TMEM74: variants seen among roughly 807,000 people sequenced by gnomAD.
TMEM74 encodes the protein transmembrane protein 74.
A neutral mutation model predicts 18.1 loss-of-function variants in TMEM74; 13 were observed. The ratio of observed to expected loss-of-function variants is 0.72; its 90% confidence interval spans 0.47 to 1.14. The LOEUF is 1.14. TMEM74 is among the 50% of genes most tolerant of loss of function. TMEM74 has a pLI of 0.00. For missense variants in TMEM74, 372 were observed against 375.9 expected, an observed-to-expected ratio of 0.99 and a Z score of 0.09; for synonymous variants, 159 against 146.6, an observed-to-expected ratio of 1.08 and a Z score of -0.61.
At chr8:108,696,497 G>A (rs1813282768) in intron 1 of TMEM74, among the ~76,000 whole-genome samples, 1 of 152,214 alleles carries the variant, frequency 6.6e-6, no homozygotes, top group Non-Finnish European at 1.5e-5. Context: ...CCTGCTAGGT[G>A]TGCAAATAGC....
intron 1 of TMEM74, among the ~76,000 whole-genome samples, chr8:108,672,761 G>C (rs757054865): frequency 1.3e-5 from 2 of 152,144 alleles, no homozygotes; most frequent in Non-Finnish European, 1.5e-5. Context: ...AACCAACAAG[G>C]GTCCTTCTGA....
intron 2 of TMEM74, among the ~76,000 whole-genome samples, chr8:108,631,764 C>G (rs1242578729): frequency 6.6e-6 from 1 of 151,912 alleles, no homozygotes; most frequent in African/African-American, 2.4e-5. Context: ...TCTGGTGCCC[C>G]TTCTTTTCCT....
intron 2 of TMEM74, among the ~76,000 whole-genome samples, chr8:108,609,864 T>C (rs1275883293): frequency 1.3e-5 from 2 of 152,202 alleles, no homozygotes; most frequent in Admixed American, 1.3e-4. Flanking sequence ...TGTGTGTCCT[T>C]GTACTCAGCA....
intron 1 of TMEM74, among the ~76,000 whole-genome samples, chr8:108,764,096 T>C (rs1814075122): frequency 6.6e-6 from 1 of 152,166 alleles, no homozygotes; most frequent in Non-Finnish European, 1.5e-5. Flanking sequence ...AGGGAAAACT[T>C]GATAGCATTT....
At chr8:108,652,100 GAA>G (rs758545047) in intron 2 of TMEM74, among the ~76,000 whole-genome samples, 3 of 144,640 alleles carry the variant, frequency 2.1e-5, no homozygotes, top group Non-Finnish European at 4.6e-5. Context: ...TTGCTAGAAA[GAA>G]AAAACATTTT....
At chr8:108,675,323 G>T (rs2130593705) in intron 1 of TMEM74, among the ~76,000 whole-genome samples, 1 of 152,242 alleles carries the variant, frequency 6.6e-6, no homozygotes, top group Admixed American at 6.5e-5. Context: ...ATCCAGATCT[G>T]CTTTAAAATT....
chr8:108,691,166 G>A (rs912231870), intron 1 of TMEM74, among the ~76,000 whole-genome samples: 8 of 152,174 alleles, frequency 5.3e-5, no homozygotes, highest in African/African-American at 1.9e-4. Context: ...ATGTTGGCCG[G>A]GCCTGGGACA....
intron 1 of TMEM74, among the ~76,000 whole-genome samples, chr8:108,691,377 T>G (rs1813229591): frequency 6.6e-6 from 1 of 152,198 alleles, no homozygotes; most frequent in African/African-American, 2.4e-5. Context: ...GTGCCTGAAG[T>G]GCCCAGAACA....
At chr8:108,770,569 A>G (rs189516354) in intron 1 of TMEM74, among the ~76,000 whole-genome samples, 1 of 152,276 alleles carries the variant, frequency 6.6e-6, no homozygotes, top group African/African-American at 2.4e-5. Flanking sequence ...TATGTGGTGT[A>G]ATTCCTATAC....
chr8:108,714,929 T>C (rs766321397), intron 1 of TMEM74, among the ~76,000 whole-genome samples: 9 of 152,218 alleles, frequency 5.9e-5, no homozygotes, highest in Non-Finnish European at 1.0e-4. Flanking sequence ...TTTAATTTAC[T>C]AGTGATTTCC....
intron 1 of TMEM74, among the ~76,000 whole-genome samples, chr8:108,711,830 GA>G (rs1250468910): frequency 6.6e-6 from 1 of 152,106 alleles, no homozygotes; most frequent in African/African-American, 2.4e-5. Context: ...ATGAAAGTAG[GA>G]AAAGGCATGC....
intron 1 of TMEM74, among the ~76,000 whole-genome samples, chr8:108,770,786 G>A (rs1240903965): frequency 3.3e-5 from 5 of 152,116 alleles, no homozygotes; most frequent in African/African-American, 4.8e-5. Context: ...AAAGATGAGA[G>A]CATAAATGTA....
chr8:108,718,417 T>G (rs13256244), intron 1 of TMEM74, among the ~76,000 whole-genome samples: 53,882 of 151,966 alleles, frequency 0.35, 10,017 homozygotes, highest in East Asian at 0.5. Flanking sequence ...GCTCAGAGTT[T>G]TATTACCTAC....
rs527761333 is a variant in TMEM74 at position 108,619,603 on chromosome 8, T to G, written n.265-10777A>C. ...CAGTGGTGGAACAAATAGTACATTTTTCATCCTAGCTCCAGCTTTCCAGTA... is the reference window on the plus strand; with the variant it reads ...CAGTGGTGGAACAAATAGTACATTTGTCATCCTAGCTCCAGCTTTCCAGTA... On this transcript the variant is annotated intron_variant and non_coding_transcript_variant, in intron 2 of 3. Coordinates refer to the TMEM74 transcript ENST00000518838. 5.3e-5 allele frequency among the ~76,000 whole-genome samples: 8 copies of G among 152,330 alleles called. No homozygotes were observed. The South Asian group carries it at 1.7e-3, about 32-fold the overall frequency.
At chr8:108,729,163 C>CT (rs1385881865) in intron 1 of TMEM74, among the ~76,000 whole-genome samples, 1 of 152,192 alleles carries the variant, frequency 6.6e-6, no homozygotes, top group African/African-American at 2.4e-5. Context: ...AAAAACTACT[C>CT]TTGGGCTCCT....
In TMEM74 at chr8:108,784,862, A is replaced by G; in HGVS notation, c.237T>C (p.Asp79=). 1 of 1,614,212 alleles carries G rather than the reference A, an allele frequency of 6.2e-7. No homozygotes were observed. Among genetic ancestry groups the G allele is most frequent in the Non-Finnish European group, 8.5e-7 (1 of 1,180,038 alleles). ...AGTGGAGAAGTCCTGGTGGAAAGGC[A>G]TCTGGCTGAAGAGTACTGTTTTGCA... ...SSLQNSTLQP[D]AFPPGLLHSG... The change falls in exon 2 of 2, where the codon GAT becomes GAC. Residue 79 remains aspartate (D), a synonymous_variant. Transcript: ENST00000297459.
intron 1 of TMEM74, among the ~76,000 whole-genome samples, chr8:108,663,885 C>T (rs1812924282): frequency 6.6e-6 from 1 of 152,166 alleles, no homozygotes; most frequent in Non-Finnish European, 1.5e-5. Flanking sequence ...TGCATGTTCT[C>T]ACTTATAAGT....
Position 108,781,815 on chromosome 8 carries a change from G to C in TMEM74, c.*2366C>G, listed in dbSNP as rs1163842367. 6.6e-6 allele frequency among the ~76,000 whole-genome samples: 1 copy of C among 152,026 alleles called. No homozygotes were observed. Among genetic ancestry groups the C allele is most frequent in the Admixed American group, 6.5e-5 (1 of 15,274 alleles). On this transcript the variant is annotated 3_prime_UTR_variant, in exon 2 of 2. Coordinates refer to ENST00000297459, the MANE Select transcript of TMEM74 (RefSeq NM_153015.3). Reference sequence around the variant, plus strand: ...TTTCCAAAATGGCATTTTTCAAAATGTTACCTCTAGATCAAATCTATATTA... The same window carrying C: ...TTTCCAAAATGGCATTTTTCAAAATCTTACCTCTAGATCAAATCTATATTA...
intron 2 of TMEM74, among the ~76,000 whole-genome samples, chr8:108,630,127 G>A (rs553013617): frequency 5.4e-4 from 82 of 152,022 alleles, no homozygotes; most frequent in Middle Eastern, 3.4e-3. Flanking sequence ...TCAAAATAAA[G>A]GAATGGGGGA....
Sources: gnomAD v4.1 joint callset for allele counts (sites outside exome capture counted in the v4.1 genomes callset) on GRCh38, gnomAD v4.1.1 for gene constraint, MANE v1.5 for transcripts, NCBI Gene and HGNC (gene_info 2026-07-23, HGNC 2026-07-21) for gene names.